DCC: variants seen among roughly 807,000 people sequenced by gnomAD.
The protein encoded by DCC is netrin receptor DCC.
In DCC, 58 loss-of-function variants were observed where a neutral mutation model predicts 172.5. The observed-to-expected ratio is 0.34, with a 90% CI of 0.27 to 0.42. The LOEUF is 0.42. DCC is among the 10% of genes least tolerant of loss of function. The pLI, the probability that DCC is intolerant of heterozygous loss-of-function variation, is 1.00. For missense variants in DCC, 1,740 were observed against 1,791.0 expected (o/e 0.97, Z 0.51); for synonymous variants, 709 against 644.5 (o/e 1.10, Z -1.52).
At chr18:52,388,124 G>T (rs952823512) in intron 1 of DCC, among the ~76,000 whole-genome samples, 1 of 152,012 alleles carries the variant, frequency 6.6e-6, no homozygotes, top group East Asian at 1.9e-4. Flanking sequence ...TGTGGACCCA[G>T]TGGCGAGCTT....
intron 21 of DCC, among the ~76,000 whole-genome samples, chr18:53,418,241 T>G (rs925978320): frequency 1.3e-5 from 2 of 152,170 alleles, no homozygotes; most frequent in African/African-American, 4.8e-5. Flanking sequence ...ATTTAGTGGT[T>G]ATAAATAATA....
intron 2 of DCC, among the ~76,000 whole-genome samples, chr18:52,838,422 A>G (rs2038750236): frequency 6.6e-6 from 1 of 152,196 alleles, no homozygotes; most frequent in South Asian, 2.1e-4. Flanking sequence ...TGCATGTATT[A>G]GTATGAAAAA....
chr18:53,396,628 T>C (rs1908962378), intron 17 of DCC, among the ~76,000 whole-genome samples: 1 of 152,230 alleles, frequency 6.6e-6, no homozygotes. Context: ...TGACTCAGCA[T>C]TGCTTTTGTC....
chr18:52,865,024 C>T (rs1387270788), intron 2 of DCC, among the ~76,000 whole-genome samples: 1 of 152,048 alleles, frequency 6.6e-6, no homozygotes, highest in East Asian at 1.9e-4. Context: ...TGCCACCACG[C>T]CTGGCTAATT....
chr18:52,913,141 A>G (rs563768641), intron 3 of DCC, among the ~76,000 whole-genome samples: 1 of 152,194 alleles, frequency 6.6e-6, no homozygotes, highest in South Asian at 2.1e-4. Flanking sequence ...TAGGCAGAGC[A>G]CAGGAGTAAA....
intron 9 of DCC, among the ~76,000 whole-genome samples, chr18:53,184,646 T>G (rs543438895): frequency 2.6e-5 from 4 of 152,118 alleles, no homozygotes; most frequent in Non-Finnish European, 5.9e-5. Flanking sequence ...GAAAAGGTAA[T>G]GCATTGCATT....
intron 12 of DCC, among the ~76,000 whole-genome samples, chr18:53,239,467 C>T (rs8085221): frequency 0.085 from 12,953 of 151,980 alleles, 1,805 homozygotes; most frequent in African/African-American, 0.29. Context: ...TAGCTCATGT[C>T]ACAAAAGGCC....
At chr18:53,086,299 TTTCTTCTTCTTCTTCTTCTTCTTCCTTTC>T (rs2042897280) in intron 7 of DCC, among the ~76,000 whole-genome samples, 5 of 36,388 alleles carry the variant, frequency 1.4e-4, no homozygotes, top group African/African-American at 7.6e-4. Context: ...TTCTTCTTCC[TTTCTTCTTCTTCTTCTTCTTCTTCCTTTC>T]TTCTTCTTCT....
chr18:53,342,830 A>G (rs1324581917), intron 15 of DCC, among the ~76,000 whole-genome samples: 1 of 147,558 alleles, frequency 6.8e-6, no homozygotes, highest in East Asian at 2.0e-4. Flanking sequence ...ATGCATATAT[A>G]TTTGAATATT....
At chr18:52,962,782 A>G (rs890010794) in intron 5 of DCC, among the ~76,000 whole-genome samples, 1 of 152,114 alleles carries the variant, frequency 6.6e-6, no homozygotes, top group African/African-American at 2.4e-5. Flanking sequence ...GCCATAAAAA[A>G]TGATGAGTTC....
At chr18:52,877,116 A>T (rs990980892) in intron 2 of DCC, among the ~76,000 whole-genome samples, 12 of 152,214 alleles carry the variant, frequency 7.9e-5, no homozygotes, top group African/African-American at 2.4e-4. Flanking sequence ...CCCTGGAAAC[A>T]AATGCCTTGG....
At chr18:52,681,180 A>G (rs575277377) in intron 1 of DCC, among the ~76,000 whole-genome samples, 3 of 152,210 alleles carry the variant, frequency 2.0e-5, no homozygotes, top group South Asian at 2.1e-4. Context: ...GACAAGTCAA[A>G]TGGTATTTCC....
At chr18:52,855,757 T>A (rs922343606) in intron 2 of DCC, among the ~76,000 whole-genome samples, 29 of 141,900 alleles carry the variant, frequency 2.0e-4, no homozygotes, top group African/African-American at 7.2e-4. Context: ...CATTAGCGTA[T>A]AAATTCTTTT....
At chr18:53,473,897 A>C (rs770171227) in intron 25 of DCC, among the ~76,000 whole-genome samples, 2 of 151,918 alleles carry the variant, frequency 1.3e-5, no homozygotes, top group Non-Finnish European at 2.9e-5. Context: ...TGATCCATCT[A>C]CTCTACTATA....
intron 1 of DCC, among the ~76,000 whole-genome samples, chr18:52,530,901 A>C (rs929306814): frequency 1.3e-5 from 2 of 152,218 alleles, no homozygotes; most frequent in Non-Finnish European, 2.9e-5. Flanking sequence ...AACAGGCTTT[A>C]GTGACCTCAA....
intron 2 of DCC, among the ~76,000 whole-genome samples, chr18:52,874,330 A>C (rs2039369514): frequency 6.6e-6 from 1 of 152,204 alleles, no homozygotes; most frequent in Admixed American, 6.5e-5. Context: ...CTTATTTAAA[A>C]TGATTTTCGA....
At chr18:53,208,903 G>A (rs1046497545) in intron 11 of DCC, among the ~76,000 whole-genome samples, 10 of 152,054 alleles carry the variant, frequency 6.6e-5, no homozygotes, top group African/African-American at 9.7e-5. Context: ...GCTAGTTTTT[G>A]TATTTTTAGT....
intron 12 of DCC, among the ~76,000 whole-genome samples, chr18:53,297,899 T>A (rs529867507): frequency 6.6e-6 from 1 of 152,130 alleles, no homozygotes; most frequent in Non-Finnish European, 1.5e-5. Context: ...CTAATAAACT[T>A]AGCTGCTACC....
chr18:52,893,849 C>G (rs1355211605), intron 2 of DCC, among the ~76,000 whole-genome samples: 1 of 152,002 alleles, frequency 6.6e-6, no homozygotes, highest in Non-Finnish European at 1.5e-5. Flanking sequence ...ATAGATTCCC[C>G]CCTCATGAAG....
Sources: gnomAD v4.1 joint callset for allele counts (sites outside exome capture counted in the v4.1 genomes callset) on GRCh38, gnomAD v4.1.1 for gene constraint, MANE v1.5 for transcripts, NCBI Gene and HGNC (gene_info 2026-07-23, HGNC 2026-07-21) for gene names.